The following AHCTF1 variants were observed in gnomAD, a reference collection of about 807,000 sequenced individuals.
AHCTF1 encodes protein ELYS.
Under a neutral mutation model 248.4 loss-of-function variants are expected in AHCTF1, and 24 were observed. The observed-to-expected ratio is 0.10, with a 90% CI of 0.07 to 0.14. The LOEUF (loss-of-function observed/expected upper bound fraction) is 0.14, where lower values mean the gene tolerates loss of function less well. AHCTF1 is among the 10% of genes least tolerant of loss of function. The pLI is 1.00. For synonymous variants in AHCTF1, 786 were observed against 929.8 expected, an observed-to-expected ratio of 0.85 and a Z score of 2.81; for missense variants, 2,206 against 2,636.2, an observed-to-expected ratio of 0.84 and a Z score of 3.57.
chr1:246,863,373 TA>T (rs1005059463), intron 27 of AHCTF1, among the ~76,000 whole-genome samples: 84 of 134,958 alleles, frequency 6.2e-4, no homozygotes, highest in Admixed American at 8.2e-4. Flanking sequence ...ATAGTATGTT[TA>T]AAAAAAAAAA....
intron 11 of AHCTF1, among the ~76,000 whole-genome samples, chr1:246,898,645 CACACACACACACACACACAG>C (rs1664774955): frequency 6.8e-6 from 1 of 146,632 alleles, no homozygotes; most frequent in African/African-American, 2.5e-5. Context: ...CACACACACA[CACACACACACACACACACAG>C]GAAAACTCCT....
chr1:246,890,042 A>T lies in AHCTF1; in HGVS notation c.2068T>A (p.Ser690Thr). Residue 690 changes from serine (S) to threonine (T), a missense_variant, in exon 17 of 36, where the codon TCA (serine) becomes ACA (threonine). By Grantham distance (58) the Ser-to-Thr change is moderately conservative. Coordinates refer to ENST00000648844, the MANE Select transcript of AHCTF1 (RefSeq NM_001323342.2). ...ACAGGGTAGTTGTAGCATAACCTTG[A>T]CAACTGCACAGAATCATCTAGATTT... ...PEGIDDSVQL[S>T]RLCYNYPVIQ... 1 of 1,611,688 alleles carries T rather than the reference A, an allele frequency of 6.2e-7. No homozygotes were observed. Among genetic ancestry groups the T allele is most frequent in the Non-Finnish European group, 8.5e-7 (1 of 1,178,528 alleles).
intron 1 of AHCTF1, among the ~76,000 whole-genome samples, chr1:246,922,403 C>T (rs967253670): frequency 1.3e-4 from 19 of 151,224 alleles, no homozygotes; most frequent in Non-Finnish European, 2.7e-4. Context: ...CACTGTATAT[C>T]AACAGTATTC....
At chr1:246,892,299 T>A (rs1403430787) in intron 14 of AHCTF1, among the ~76,000 whole-genome samples, 5 of 136,868 alleles carry the variant, frequency 3.7e-5, no homozygotes, top group Admixed American at 7.9e-5. Flanking sequence ...TAATTTGTTT[T>A]ACTTTTTTTT....
Position 246,894,521 on chromosome 1 carries a change from G to A in AHCTF1, c.1804+138C>T, listed in dbSNP as rs534976380. The stretch of plus-strand genomic sequence containing the variant: ...TCGCGCCACTGCACTATAGCCTGGC[G>A]ACAGAGCAAGACTCAGTCTCAAAAA... On this transcript the variant is annotated intron_variant, in intron 14 of 35. Coordinates refer to ENST00000648844, the MANE Select transcript of AHCTF1 (RefSeq NM_001323342.2). 49 of 702,798 alleles carry A rather than the reference G, an allele frequency of 7.0e-5. 1 individual carries two copies. Among genetic ancestry groups the A allele is most frequent in the South Asian group, 6.8e-4 (30 of 44,018 alleles). The allele number at this position is 702,798 out of a possible 1,614,324, so 43.5% of individuals were successfully genotyped here.
At chr1:246,899,609 C>T in intron 10 of AHCTF1, 97 bp from the exon 11 acceptor site, 1 of 774,722 alleles carries the variant, frequency 1.3e-6, no homozygotes, top group Non-Finnish European at 2.1e-6. Context: ...GGCAAGGTGT[C>T]AAATTATTAC....
At chr1:246,886,317 C>T (rs761003741) in intron 20 of AHCTF1, among the ~76,000 whole-genome samples, 84 of 151,794 alleles carry the variant, frequency 5.5e-4, no homozygotes, top group Middle Eastern at 6.8e-3. Flanking sequence ...GGTGACAGAG[C>T]GAGACTCCAT....
chr1:246,895,605 G>A (rs1220733367), intron 13 of AHCTF1, among the ~76,000 whole-genome samples: 2 of 152,182 alleles, frequency 1.3e-5, no homozygotes, highest in South Asian at 2.1e-4. Context: ...AGGTATGGCT[G>A]TAACGGCAGC....
chr1:246,886,057 G>T (rs1362604969), intron 20 of AHCTF1, among the ~76,000 whole-genome samples: 4 of 152,094 alleles, frequency 2.6e-5, no homozygotes, highest in Admixed American at 2.6e-4. Flanking sequence ...CAAAAAAAGT[G>T]CAGTGGCTCA....
rs749008578 is a variant in AHCTF1 at position 246,850,154 on chromosome 1, TCTTCTCTCACATCTGATGGACTAA to T, written c.5828_5851del (p.Val1943_Glu1950del). The T allele has an allele frequency of 5.0e-6, 8 of 1,613,700 alleles. No individual in the cohort carries two copies. Among genetic ancestry groups the T allele is most frequent in the Middle Eastern group, 3.3e-4 (2 of 6,078 alleles). On this transcript the variant is annotated inframe_deletion, in exon 33 of 36. Coordinates refer to ENST00000648844, the MANE Select transcript of AHCTF1 (RefSeq NM_001323342.2). ...CAACTGAGATGACTCAAGGTTGGAG[TCTTCTCTCACATCTGATGGACTAA>T]CTTCTCTCCCTCTGACCCTTCTAAC...
chr1:246,870,017 T>A (rs1457834574), intron 24 of AHCTF1, among the ~76,000 whole-genome samples: 1 of 151,916 alleles, frequency 6.6e-6, no homozygotes, highest in Non-Finnish European at 1.5e-5. Flanking sequence ...CTGGGAGGAG[T>A]CAAACTATGC....
chr1:246,857,901 T>C, intron 29 of AHCTF1, 87 bp from the exon 30 acceptor site: 5 of 1,259,272 alleles, frequency 4.0e-6, no homozygotes. Flanking sequence ...TAAAAAGTTG[T>C]TGGGTCTGCT....
intron 31 of AHCTF1, among the ~76,000 whole-genome samples, chr1:246,853,996 A>T (rs1660913140): frequency 6.6e-6 from 1 of 152,216 alleles, no homozygotes; most frequent in South Asian, 2.1e-4. Context: ...TATTGGATAC[A>T]ACAATAAAAT....
intron 3 of AHCTF1, 25 bp downstream of exon 3, chr1:246,916,117 T>C: frequency 6.2e-7 from 1 of 1,602,946 alleles, no homozygotes; most frequent in Non-Finnish European, 8.5e-7. Flanking sequence ...AAGAGAAATG[T>C]CCAGGTATCT....
intron 6 of AHCTF1, among the ~76,000 whole-genome samples, chr1:246,905,208 G>A (rs574019766): frequency 8.5e-5 from 13 of 152,250 alleles, no homozygotes; most frequent in African/African-American, 2.9e-4. Context: ...TTTAAAGATT[G>A]TATGTATCAG....
intron 1 of AHCTF1, chr1:246,931,372 G>C (rs1044659647): frequency 1.5e-5 from 22 of 1,514,656 alleles, no homozygotes; most frequent in Non-Finnish European, 1.9e-5. Context: ...GAAGCCCGGC[G>C]CCCGCGAGCC....
At chr1:246,920,662 C>T (rs972151919) in intron 1 of AHCTF1, among the ~76,000 whole-genome samples, 9 of 150,940 alleles carry the variant, frequency 6.0e-5, no homozygotes, top group South Asian at 4.2e-4. Flanking sequence ...TCCAGCTACT[C>T]GGGAGGCTGA....
At position 246,877,221 on chromosome 1, in the gene AHCTF1, T is replaced by G; in HGVS notation, c.2742A>C (p.Glu914Asp). Residue 914 changes from glutamate (E) to aspartate (D), a missense_variant, in exon 22 of 36, where the codon GAA (glutamate) becomes GAC (aspartate). Transcript: ENST00000648844. ...CCATCAAGCCCATTTCCTGACAGAC[T>G]TCATACATGTGCTTCAGTAACTCCT... is the stretch of plus-strand genomic sequence containing the variant. ...NIEELLKHMY[E>D]VCQEMGLMED... 1 of 1,613,490 alleles carries G rather than the reference T, an allele frequency of 6.2e-7. No individual in the cohort carries two copies. Among genetic ancestry groups the G allele is most frequent in the Non-Finnish European group, 8.5e-7 (1 of 1,179,846 alleles).
chr1:246,851,535 C>T (rs190017354), intron 32 of AHCTF1, 93 bp from the exon 33 acceptor site: 9 of 1,096,426 alleles, frequency 8.2e-6, no homozygotes, highest in Middle Eastern at 2.5e-4. Context: ...TGGCTGTGTG[C>T]CTTTTAAAAC....
Sources: gnomAD v4.1 joint callset for allele counts (sites outside exome capture counted in the v4.1 genomes callset) on GRCh38, gnomAD v4.1.1 for gene constraint, MANE v1.5 for transcripts, NCBI Gene and HGNC (gene_info 2026-07-23, HGNC 2026-07-21) for gene names.